The following SNX31 variants were observed in gnomAD, a reference collection of about 807,000 sequenced individuals.
The protein encoded by SNX31 is sorting nexin 31.
A neutral mutation model predicts 65.4 loss-of-function variants in SNX31; 58 were observed. The observed-to-expected ratio is 0.89, with a 90% CI of 0.72 to 1.10. The LOEUF (loss-of-function observed/expected upper bound fraction) is 1.10. Among genes scored for constraint, SNX31 ranks in the 50% least tolerant of loss-of-function variants. The probability of loss-of-function intolerance (pLI) is 0.00; values close to 1 mark genes in which losing one functional copy is unlikely to be tolerated. For missense variants in SNX31, 523 were observed against 529.7 expected, an observed-to-expected ratio of 0.99 and a Z score of 0.12; for synonymous variants, 181 against 190.1, an observed-to-expected ratio of 0.95 and a Z score of 0.39.
rs1483231738 is a variant in SNX31, at chr8:100,594,857, C to T, written c.978+1782G>A. Among the ~76,000 whole-genome samples the T allele has an allele frequency of 6.6e-6, 1 of 152,222 alleles. No homozygotes were observed. The highest frequency in any genetic ancestry group is 1.5e-5 in the Non-Finnish European group (1 of 68,042). ...AACACCTGTATGTGAAGATTTATAG[C>T]AGCTCTATTCATAATAGCTAAAAAC... is the stretch of plus-strand genomic sequence containing the variant. On this transcript the variant is annotated intron_variant, in intron 10 of 13. Transcript: ENST00000311812. This position sits in a 1 kb window ranked among gnomAD's most constrained non-coding sequence, Gnocchi z 4.0.
At chr8:100,638,843 C>CATACACAGTTTGGAT (rs1202652977) in intron 2 of SNX31, among the ~76,000 whole-genome samples, 1 of 152,050 alleles carries the variant, frequency 6.6e-6, no homozygotes, top group Non-Finnish European at 1.5e-5. Flanking sequence ...GTGATATATC[C>CATACACAGTTTGGAT]ATACAATGGA....
At chr8:100,584,232 T>G in intron 11 of SNX31, 44 bp from the exon 12 acceptor site, 1 of 1,487,464 alleles carries the variant, frequency 6.7e-7, no homozygotes, top group Non-Finnish European at 9.1e-7. Context: ...CGAAGAAATC[T>G]TCACTCTCTT....
chr8:100,599,239 T>A lies in SNX31; in HGVS notation c.774+1110A>T, dbSNP rs1054040707. On this transcript the variant is annotated intron_variant, in intron 9 of 13. Coordinates refer to ENST00000311812, the MANE Select transcript of SNX31 (RefSeq NM_152628.4). ...GTTTATCATAGAAGATAAAATTTATTTTGTGGAAAAACTACAAATACACAT... is the reference window on the plus strand; with the variant it reads ...GTTTATCATAGAAGATAAAATTTATATTGTGGAAAAACTACAAATACACAT... Among the ~76,000 whole-genome samples, 5 of 152,204 alleles carry A rather than the reference T, an allele frequency of 3.3e-5. No individual in the cohort carries two copies. The East Asian group carries it at 9.6e-4, about 29-fold the overall frequency.
intron 2 of SNX31, 59 bp downstream of exon 2, chr8:100,649,215 G>A (rs1819857262): frequency 6.4e-7 from 1 of 1,554,976 alleles, no homozygotes; most frequent in South Asian, 1.1e-5. Flanking sequence ...AGCGCTTTGG[G>A]GACAGCTTTC....
intron 8 of SNX31, among the ~76,000 whole-genome samples, chr8:100,605,817 C>T (rs1025060320): frequency 6.6e-6 from 1 of 152,170 alleles, no homozygotes; most frequent in Admixed American, 6.5e-5. Context: ...GAAGCTCTGA[C>T]CTCTCATCAC....
rs1364226108 is a variant in SNX31 at position 100,573,543 on chromosome 8, A to T, written c.*322T>A. 1 of 185,644 alleles carries T rather than the reference A, an allele frequency of 5.4e-6. No homozygotes were observed. The highest frequency in any genetic ancestry group is 1.9e-4 in the South Asian group (1 of 5,136). 11.5% of individuals were successfully genotyped at this position (185,644 alleles called of 1,614,324 possible). On this transcript the variant is annotated 3_prime_UTR_variant, in exon 14 of 14. Transcript: ENST00000311812. Reference sequence around the variant, plus strand: ...TAAAGATCTATTTTAGAGAAAAAATAGAATGAGTTTTATATGAGTTGATTT... The same window carrying T: ...TAAAGATCTATTTTAGAGAAAAAATTGAATGAGTTTTATATGAGTTGATTT...
upstream of SNX31, among the ~76,000 whole-genome samples, chr8:100,652,337 A>G (rs1819989912): frequency 6.6e-6 from 1 of 152,158 alleles, no homozygotes; most frequent in Non-Finnish European, 1.5e-5. Context: ...CAATTTCTGA[A>G]TCAATCCTAT....
intron 1 of SNX31, among the ~76,000 whole-genome samples, chr8:100,658,463 A>C (rs963337240): frequency 8.5e-5 from 13 of 152,222 alleles, no homozygotes; most frequent in African/African-American, 3.1e-4. Context: ...GCTGCTGCAG[A>C]GGCATTAGCC....
At position 100,630,092 on chromosome 8, in the gene SNX31, TTAA is replaced by T. The variant is rs1206479157; in HGVS notation, c.321+232_321+234del. 6.6e-6 allele frequency among the ~76,000 whole-genome samples: 1 copy of T among 152,250 alleles called. No individual in the cohort carries two copies. Among genetic ancestry groups the T allele is most frequent in the African/African-American group, 2.4e-5 (1 of 41,462 alleles). On this transcript the variant is annotated intron_variant, in intron 4 of 13. Transcript: ENST00000311812. This position sits in a 1 kb window ranked among gnomAD's most constrained non-coding sequence, Gnocchi z 5.3. ...TTAGGCTACAGAAAAAGGGATCTAC[TTAA>T]TAAAATGAGCCAAAGGTCAAGTGAC...
chr8:100,663,421 C>G (rs934157685), upstream of SNX31: 1 of 152,134 alleles, frequency 6.6e-6, no homozygotes, highest in Non-Finnish European at 1.5e-5. Flanking sequence ...TTGAGGAATG[C>G]TTTTTCAGAG....
At chr8:100,641,003 T>A (rs7839657) in intron 2 of SNX31, among the ~76,000 whole-genome samples, 72,537 of 151,978 alleles carry the variant, frequency 0.48, 17,592 homozygotes, top group African/African-American at 0.55. Context: ...ACCATATTAA[T>A]ATAAAACCTT....
At chr8:100,633,177 C>T (rs1347128101) in intron 3 of SNX31, among the ~76,000 whole-genome samples, 2 of 152,088 alleles carry the variant, frequency 1.3e-5, no homozygotes, top group Non-Finnish European at 2.9e-5. Flanking sequence ...GATCCTCCTG[C>T]CTTAACCTCC....
intron 11 of SNX31, among the ~76,000 whole-genome samples, chr8:100,584,434 A>C (rs1313823612): frequency 6.6e-6 from 1 of 152,194 alleles, no homozygotes; most frequent in African/African-American, 2.4e-5. Flanking sequence ...CCAGGATCTC[A>C]CTATTAACAT....
chr8:100,649,736 C>T (rs1819903448), upstream of SNX31: 1 of 453,922 alleles, frequency 2.2e-6, no homozygotes, highest in Non-Finnish European at 3.9e-6. Flanking sequence ...GCTCTGGTCC[C>T]GGGATAGGTG....
Position 100,649,651 on chromosome 8 carries a change from C to T in SNX31, c.-137G>A, listed in dbSNP as rs11782007. On this transcript the variant is annotated 5_prime_UTR_variant, in exon 1 of 14. Transcript: ENST00000311812. ...AGCGAACCCCGGCGCCCGCTCTCGCCGGCCGGGGACATCTACAGGTGGGGC... is the reference window on the plus strand; with the variant it reads ...AGCGAACCCCGGCGCCCGCTCTCGCTGGCCGGGGACATCTACAGGTGGGGC... The T allele has an allele frequency of 6.3e-6, 5 of 793,006 alleles. No individual in the cohort carries two copies. Among genetic ancestry groups the T allele is most frequent in the Non-Finnish European group, 9.7e-6 (5 of 517,332 alleles). The allele number at this position is 793,006 out of a possible 1,614,324, so 49.1% of individuals were successfully genotyped here. A position where few individuals can be genotyped will look rare whatever the true frequency, so the allele number is the denominator to read the frequency against.
intron 3 of SNX31, among the ~76,000 whole-genome samples, chr8:100,633,613 C>T (rs1210289599): frequency 2.0e-5 from 3 of 151,870 alleles, no homozygotes; most frequent in Non-Finnish European, 4.4e-5. Context: ...CCATGTAGGC[C>T]GGGCTGGTCT....
At chr8:100,617,006 A>G (rs1253657704) in intron 5 of SNX31, among the ~76,000 whole-genome samples, 1 of 152,046 alleles carries the variant, frequency 6.6e-6, no homozygotes, top group Non-Finnish European at 1.5e-5. Context: ...GTGTGAGAAG[A>G]CAGTGTCCCC....
chr8:100,662,351 G>GT (rs1809801972), intron 1 of SNX31, among the ~76,000 whole-genome samples: 1 of 152,232 alleles, frequency 6.6e-6, no homozygotes, highest in South Asian at 2.1e-4. Flanking sequence ...AGGGGCAGGA[G>GT]TAGGGAGAGA....
chr8:100,635,084 C>T (rs77738358), intron 3 of SNX31, among the ~76,000 whole-genome samples: 20,401 of 151,620 alleles, frequency 0.13, 1,958 homozygotes, highest in African/African-American at 0.27. Context: ...AATCAGCAAA[C>T]ATATAACTGC....
Sources: allele counts gnomAD v4.1 joint callset (sites outside exome capture counted in the v4.1 genomes callset), GRCh38; gene constraint gnomAD v4.1.1; non-coding constraint Gnocchi (gnomAD v3.1); transcripts MANE v1.5; gene names NCBI Gene and HGNC (gene_info 2026-07-23, HGNC 2026-07-21).